Variants in TTC28 observed in about 807,000 individuals in gnomAD.
TTC28 encodes tetratricopeptide repeat protein 28.
A neutral mutation model predicts 198.0 loss-of-function variants in TTC28; 61 were observed. The observed-to-expected ratio is 0.31, with a 90% CI of 0.25 to 0.38. The LOEUF (loss-of-function observed/expected upper bound fraction) is 0.38, where lower values mean the gene tolerates loss of function less well. Ranked by LOEUF, TTC28 falls within the 10% of genes least tolerant of loss-of-function variation. The pLI is 1.00. For missense variants in TTC28, 2,678 were observed against 3,164.0 expected, an observed-to-expected ratio of 0.85 and a Z score of 3.69; for synonymous variants, 1,171 against 1,297.8, an observed-to-expected ratio of 0.90 and a Z score of 2.10.
chr22:28,248,976 AG>A (rs1930319814), intron 5 of TTC28, among the ~76,000 whole-genome samples: 1 of 152,216 alleles, frequency 6.6e-6, no homozygotes, highest in South Asian at 2.1e-4. Context: ...AATAACAGGT[AG>A]GACTCAGAGG....
chr22:28,622,521 T>C lies in TTC28; in HGVS notation c.381+7031A>G, dbSNP rs534913259. On this transcript the variant is annotated intron_variant, in intron 2 of 22. Coordinates refer to ENST00000397906, the MANE Select transcript of TTC28 (RefSeq NM_001145418.2). ...TCTAGAAAGTATTCAAATAAACCAA[T>C]AAATAGCATGAAAAGAATATCAGAG... Among the ~76,000 whole-genome samples, 5 of 147,226 alleles carry C rather than the reference T, an allele frequency of 3.4e-5. No individual in the cohort carries two copies. The South Asian group carries it at 8.5e-4, about 25-fold the overall frequency.
At chr22:28,535,361 C>T (rs865856156) in intron 2 of TTC28, among the ~76,000 whole-genome samples, 33 of 152,248 alleles carry the variant, frequency 2.2e-4, no homozygotes, top group South Asian at 1.5e-3. Flanking sequence ...CCTGTTGTTA[C>T]TTCCTCCAAA....
At chr22:28,403,882 G>T (rs1212494926) in intron 2 of TTC28, among the ~76,000 whole-genome samples, 1 of 152,122 alleles carries the variant, frequency 6.6e-6, no homozygotes, top group East Asian at 1.9e-4. Context: ...ACACCATAGG[G>T]CTAAGGAGGT....
intron 2 of TTC28, among the ~76,000 whole-genome samples, chr22:28,550,310 T>A (rs999948023): frequency 1.3e-5 from 2 of 152,156 alleles, no homozygotes; most frequent in Non-Finnish European, 2.9e-5. Flanking sequence ...CATTTCCCTT[T>A]GAAAGCACAA....
chr22:27,990,113 G>T, intron 20 of TTC28, 106 bp from the exon 21 acceptor site: 1 of 1,405,202 alleles, frequency 7.1e-7, no homozygotes, highest in Non-Finnish European at 9.6e-7. Context: ...CATCGCTAAT[G>T]ACCCTCTCAT....
chr22:28,405,416 A>C (rs544100888), intron 2 of TTC28, among the ~76,000 whole-genome samples: 2 of 152,310 alleles, frequency 1.3e-5, no homozygotes, highest in East Asian at 3.9e-4. Flanking sequence ...CCTTCCTTCA[A>C]GGAGAAGCAT....
intron 1 of TTC28, among the ~76,000 whole-genome samples, chr22:28,660,593 G>C (rs969040877): frequency 6.6e-6 from 1 of 151,346 alleles, no homozygotes; most frequent in Non-Finnish European, 1.5e-5. Flanking sequence ...GGCGCTATTC[G>C]GCTCACTGCA....
intron 2 of TTC28, among the ~76,000 whole-genome samples, chr22:28,330,048 T>C (rs1416700907): frequency 6.6e-6 from 1 of 152,190 alleles, no homozygotes; most frequent in Non-Finnish European, 1.5e-5. Flanking sequence ...TGGTGATGCA[T>C]TCCTATGAAA....
In TTC28 at chr22:28,108,393, G is replaced by T; in HGVS notation, c.1452C>A (p.His484Gln). The change falls in exon 7 of 23, where the codon CAC (histidine) becomes CAA (glutamine). Residue 484 changes from histidine to glutamine, a missense_variant. By Grantham distance (24) the His-to-Gln change is conservative. Coordinates refer to ENST00000397906, the MANE Select transcript of TTC28 (RefSeq NM_001145418.2). ...GRASSNLGII[H>Q]QMKGDYDTAL... ...CAGTGTCATAATCACCTTTCATCTG[G>T]TGTATGATTCCTGAGAAAGAGAATA... 1 of 1,443,562 alleles carries T rather than the reference G, an allele frequency of 6.9e-7. No homozygotes were observed. Among genetic ancestry groups the T allele is most frequent in the Non-Finnish European group, 9.1e-7 (1 of 1,094,012 alleles). 89.4% of individuals were successfully genotyped at this position (1,443,562 alleles called of 1,614,324 possible).
intron 2 of TTC28, among the ~76,000 whole-genome samples, chr22:28,318,812 C>CTTTTTTT (rs71316836): frequency 1.6e-5 from 1 of 61,334 alleles, no homozygotes; most frequent in Non-Finnish European, 2.8e-5. Flanking sequence ...GAAGTGTATT[C>CTTTTTTT]TTTTTTTTTT....
chr22:28,200,631 G>C (rs1427255824), intron 5 of TTC28, among the ~76,000 whole-genome samples: 1 of 152,076 alleles, frequency 6.6e-6, no homozygotes, highest in Non-Finnish European at 1.5e-5. Flanking sequence ...TAGATAGATA[G>C]CTCCACTGAG....
intron 2 of TTC28, among the ~76,000 whole-genome samples, chr22:28,383,337 T>C (rs534647411): frequency 2.6e-5 from 4 of 152,326 alleles, no homozygotes; most frequent in Non-Finnish European, 5.9e-5. Context: ...CTTTCCTTTG[T>C]CCGCAGCAGC....
At chr22:28,362,544 C>T (rs562045477) in intron 2 of TTC28, among the ~76,000 whole-genome samples, 10 of 152,234 alleles carry the variant, frequency 6.6e-5, no homozygotes, top group South Asian at 4.1e-4. Context: ...GACTTTAGAA[C>T]TGGGTAACAG....
At chr22:28,650,913 A>G (rs2051553350) in intron 1 of TTC28, among the ~76,000 whole-genome samples, 1 of 152,242 alleles carries the variant, frequency 6.6e-6, no homozygotes, top group African/African-American at 2.4e-5. Context: ...GATCTAGAAC[A>G]GGAGTCAGCA....
intron 5 of TTC28, among the ~76,000 whole-genome samples, chr22:28,228,517 TG>T (rs1314643764): frequency 6.6e-6 from 1 of 151,892 alleles, no homozygotes; most frequent in Non-Finnish European, 1.5e-5. Context: ...CTGGCCAACA[TG>T]GCGAAAACCC....
At chr22:28,284,862 G>T (rs930130634) in intron 5 of TTC28, among the ~76,000 whole-genome samples, 4 of 152,224 alleles carry the variant, frequency 2.6e-5, no homozygotes, top group African/African-American at 9.6e-5. Context: ...TTGCAAGGGT[G>T]TGCAGAAAAG....
At chr22:28,021,391 G>A (rs1051625136) in intron 13 of TTC28, among the ~76,000 whole-genome samples, 2 of 152,102 alleles carry the variant, frequency 1.3e-5, no homozygotes, top group African/African-American at 4.8e-5. Flanking sequence ...GCCTGGGGAG[G>A]GGCAGCTAGG....
At chr22:28,491,793 A>C (rs1031183846) in intron 2 of TTC28, among the ~76,000 whole-genome samples, 5 of 152,170 alleles carry the variant, frequency 3.3e-5, no homozygotes, top group Non-Finnish European at 5.9e-5. Context: ...TCATGCTACT[A>C]TAAAGACACA....
rs539503990 is a variant in TTC28 at position 28,361,348 on chromosome 22, G to A, written c.382-54705C>T. Among the ~76,000 whole-genome samples the A allele has an allele frequency of 3.4e-3, 520 of 152,248 alleles. 2 individuals carry two copies. The highest frequency in any genetic ancestry group is 0.011 in the African/African-American group (471 of 41,540). On this transcript the variant is annotated intron_variant, in intron 2 of 22. Coordinates refer to ENST00000397906, the MANE Select transcript of TTC28 (RefSeq NM_001145418.2). Reference sequence around the variant, plus strand: ...CTGGTGAACACAGGAATAAGAAAGCGAAACAGCCTTATTGTTGATATGGAG... The same window carrying A: ...CTGGTGAACACAGGAATAAGAAAGCAAAACAGCCTTATTGTTGATATGGAG...
Sources: allele counts gnomAD v4.1 joint callset (sites outside exome capture counted in the v4.1 genomes callset), GRCh38; gene constraint gnomAD v4.1.1; transcripts MANE v1.5; gene names NCBI Gene and HGNC (gene_info 2026-07-23, HGNC 2026-07-21).